Variants in WDFY4 observed in about 807,000 individuals in gnomAD.
WDFY4 encodes WDFY family member 4, also known as WD repeat- and FYVE domain-containing protein 4.
In WDFY4, 169 loss-of-function variants were observed where a neutral mutation model predicts 351.9. That is an observed-to-expected ratio of 0.48 (90% CI 0.42 to 0.55). The LOEUF is 0.55. Among genes scored for constraint, WDFY4 ranks in the 20% least tolerant of loss-of-function variants. The pLI is 0.00. For missense variants in WDFY4, 3,803 were observed against 3,935.6 expected, an observed-to-expected ratio of 0.97 and a Z score of 0.90; for synonymous variants, 1,622 against 1,574.6, an observed-to-expected ratio of 1.03 and a Z score of -0.71.
At chr10:48,826,303 C>A (rs781704647) in intron 35 of WDFY4, among the ~76,000 whole-genome samples, 3 of 152,092 alleles carry the variant, frequency 2.0e-5, no homozygotes, top group Non-Finnish European at 4.4e-5. Flanking sequence ...CTATTCTGTT[C>A]TATTGGTCTA....
chr10:48,756,671 C>T (rs1407077510), intron 12 of WDFY4, among the ~76,000 whole-genome samples: 1 of 152,010 alleles, frequency 6.6e-6, no homozygotes, highest in Non-Finnish European at 1.5e-5. Flanking sequence ...TTATCATGAG[C>T]AGATTTTTAA....
rs1306917722 is a variant in WDFY4, at chr10:48,820,270, C to T, written c.5542C>T (p.Pro1848Ser). Residue 1848 changes from proline to serine, a missense_variant, in exon 33 of 62, where the codon CCT becomes TCT. By Grantham distance (74) the Pro-to-Ser change is moderately conservative (BLOSUM62 -1). Transcript: ENST00000325239. ...GAESTRNTSSPEAAAEGDSTV... is the reference protein window; with the variant it reads ...GAESTRNTSSSEAAAEGDSTV... The stretch of plus-strand genomic sequence containing the variant: ...TGAGTCCACCCGGAACACCAGCAGT[C>T]CTGAGGCCGCAGCTGAAGGCGACAG... 5.2e-6 allele frequency: 8 copies of T among 1,551,680 alleles called. No individual in the cohort carries two copies. The highest frequency in any genetic ancestry group is 7.0e-6 in the Non-Finnish European group (8 of 1,146,984).
chr10:48,828,923 T>TGTGGGGGGGGGGGGGGGGG (rs763409844), intron 37 of WDFY4, 27 bp downstream of exon 37: 1 of 4,976 alleles, frequency 2.0e-4, no homozygotes, highest in Non-Finnish European at 4.7e-4. Flanking sequence ...ATTGTGTGTG[T>TGTGGGGGGGGGGGGGGGGG]GGGCGGGGGG....
At chr10:48,784,378 G>A (rs779052916) in intron 19 of WDFY4, among the ~76,000 whole-genome samples, 7 of 152,096 alleles carry the variant, frequency 4.6e-5, no homozygotes, top group Non-Finnish European at 8.8e-5. Context: ...TTTGATAGTT[G>A]TGTAGTAATA....
In WDFY4 at chr10:48,787,806, C is replaced by CTT. The variant is rs879777560; in HGVS notation, c.3809-724_3809-723insTT. Among the ~76,000 whole-genome samples the CTT allele has an allele frequency of 8.9e-3, 920 of 103,428 alleles. 26 individuals carry two copies. Among genetic ancestry groups the CTT allele is most frequent in the Middle Eastern group, 0.037 (8 of 218 alleles). The allele number at this position is 103,428 out of a possible 152,430, so 67.9% of individuals were successfully genotyped here. ...TCCTCTTCCTCCTCCTCCTCCTCCT[C>CTT]CTCTTCTTCTTCTTCTTCTTCTTCT... On this transcript the variant is annotated intron_variant, in intron 20 of 61. Coordinates refer to ENST00000325239, the MANE Select transcript of WDFY4 (RefSeq NM_001394531.1).
At chr10:48,976,419 T>G in intron 58 of WDFY4, 1 of 162,558 alleles carries the variant, frequency 6.2e-6, no homozygotes, top group South Asian at 2.0e-4. Flanking sequence ...CAAAACTTCT[T>G]TATGGGGCAG....
At position 48,820,406 on chromosome 10, in the gene WDFY4, A is replaced by G. The variant is rs1318353863; in HGVS notation, c.5678A>G (p.Lys1893Arg). ...CTCCTGCTTGGAGCCTCCAGCCCCA[A>G]GCAGTGGCTGCCCCTGGAGGTGCTC... ...RELLLGASSP[K>R]QWLPLEVLLE... Residue 1893 changes from lysine to arginine, a missense_variant, in exon 33 of 62, where the codon AAG becomes AGG. By Grantham distance (26) the Lys-to-Arg change is conservative (BLOSUM62 2). Around this residue, in one of 3 missense-constraint regions of WDFY4, gnomAD observed 3,054 missense variants for 3,148.6 expected, o/e 0.97. Coordinates refer to ENST00000325239, the MANE Select transcript of WDFY4 (RefSeq NM_001394531.1). The G allele has an allele frequency of 3.2e-6, 5 of 1,551,440 alleles. No individual in the cohort carries two copies. In the Admixed American group the frequency reaches 9.8e-5, roughly 30 times the overall value.
Position 48,821,062 on chromosome 10 carries a change from G to T in WDFY4, c.5710G>T (p.Ala1904Ser), listed in dbSNP as rs370066614. The change falls in exon 34 of 62, where the codon GCT becomes TCT. Residue 1904 changes from alanine (A) to serine (S), a missense_variant and splice_region_variant. Physicochemically the swap from Ala to Ser is moderately conservative, Grantham distance 99. Coordinates refer to ENST00000325239, the MANE Select transcript of WDFY4 (RefSeq NM_001394531.1). Reference sequence around the variant, plus strand: ...TCTCAGTCCCGGGCTGTGCTTCCAGGCTTCTCCAGACCACGCCACCAGCCA... The same window carrying T: ...TCTCAGTCCCGGGCTGTGCTTCCAGTCTTCTCCAGACCACGCCACCAGCCA... ...QWLPLEVLLEASPDHATSQQK... is the reference protein window; with the variant it reads ...QWLPLEVLLESSPDHATSQQK... The T allele has an allele frequency of 1.2e-5, 19 of 1,551,168 alleles. No individual in the cohort carries two copies. The African/African-American group carries it at 1.5e-4, about 12-fold the overall frequency.
At chr10:48,909,405 CT>C (rs1837806847) in intron 47 of WDFY4, 1 of 151,990 alleles carries the variant, frequency 6.6e-6, no homozygotes, top group Non-Finnish European at 1.5e-5. Flanking sequence ...TTCTATATAA[CT>C]TTTTGTATAA....
intron 23 of WDFY4, among the ~76,000 whole-genome samples, chr10:48,795,522 TAC>T (rs1192361175): frequency 0.25 from 26,021 of 104,106 alleles, 3,634 homozygotes; most frequent in East Asian, 0.62. Flanking sequence ...TATATATATA[TAC>T]ATATATATAT....
chr10:48,755,221 C>T (rs1356908456), intron 12 of WDFY4, among the ~76,000 whole-genome samples: 2 of 152,150 alleles, frequency 1.3e-5, no homozygotes, highest in Non-Finnish European at 2.9e-5. Flanking sequence ...TAAGGCCTTT[C>T]AGATTCACTC....
Position 48,806,046 on chromosome 10 carries a change from G to A in WDFY4, c.4689G>A (p.Val1563=), listed in dbSNP as rs1209147948. ...TGTACACCCTCAAGCCTTCGTCGGT[G>A]AATGAGAGGCAGATCTGCATGGACG... The part of the protein sequence containing the change: ...FVVYTLKPSS[V]NERQICMDGA... The change falls in exon 27 of 62, where the codon GTG becomes GTA. Residue 1563 remains valine, a synonymous_variant. Coordinates refer to ENST00000325239, the MANE Select transcript of WDFY4 (RefSeq NM_001394531.1). The A allele has an allele frequency of 1.9e-6, 3 of 1,551,614 alleles. No homozygotes were observed. Among genetic ancestry groups the A allele is most frequent in the African/African-American group, 2.7e-5 (2 of 73,062 alleles).
rs766753447 is a variant in WDFY4, at chr10:48,900,232, G to A, written c.7449G>A (p.Leu2483=). 26 of 1,551,476 alleles carry A rather than the reference G, an allele frequency of 1.7e-5. No homozygotes were observed. In the African/African-American group the frequency reaches 1.8e-4, roughly 11 times the overall value. ...QARFLLQDIA[L]EIFFHNGYSK... is the part of the protein sequence containing the mutation. ...GCTTCTCTTCACAGGACATCGCCCTGGAGATCTTCTTCCACAATGGATATT... is the reference window on the plus strand; with the variant it reads ...GCTTCTCTTCACAGGACATCGCCCTAGAGATCTTCTTCCACAATGGATATT... Residue 2483 remains leucine, a synonymous_variant, in exon 46 of 62, where the codon CTG becomes CTA. Transcript: ENST00000325239.
At chr10:48,892,983 A>G (rs917207350) in intron 44 of WDFY4, among the ~76,000 whole-genome samples, 6 of 152,176 alleles carry the variant, frequency 3.9e-5, no homozygotes, top group Admixed American at 3.9e-4. Flanking sequence ...AAACAAACAA[A>G]TGCACACACA....
rs1388284534 is a variant in WDFY4 at position 48,727,659 on chromosome 10, G to T, written c.971G>T (p.Arg324Leu). The T allele has an allele frequency of 1.3e-6, 2 of 1,551,732 alleles. No individual in the cohort carries two copies. The highest frequency in any genetic ancestry group is 2.4e-5 in the East Asian group (1 of 40,932). Residue 324 changes from arginine (R) to leucine (L), a missense_variant and splice_region_variant, in exon 7 of 62, where the codon CGG (arginine) becomes CTG (leucine). Arg to Leu is a moderately radical substitution (Grantham distance 102). Coordinates refer to ENST00000325239, the MANE Select transcript of WDFY4 (RefSeq NM_001394531.1). ...GYPLLLKVLL[R>L]YDGLTQSEVD... ...CCTCTGCTGCTCAAAGTGTTACTTC[G>T]GTAAGTGGCTGTGTTTGGTACGGGG...
At chr10:48,689,164 A>G (rs2136293468) in intron 1 of WDFY4, among the ~76,000 whole-genome samples, 1 of 152,290 alleles carries the variant, frequency 6.6e-6, no homozygotes. Flanking sequence ...GCCACACCTT[A>G]GAGCTGCTAC....
chr10:48,789,240 A>G (rs2066597647), intron 21 of WDFY4, among the ~76,000 whole-genome samples: 1 of 152,208 alleles, frequency 6.6e-6, no homozygotes, highest in South Asian at 2.1e-4. Flanking sequence ...ACAAGGAGAT[A>G]TGTTTGTAGA....
In WDFY4 at chr10:48,970,179, G is replaced by C. The variant is rs745546797; in HGVS notation, c.8818G>C (p.Ala2940Pro). ...NLAAWGRCLC[A>P]VCPSPTTIVT... ...GGCTGCCTGGGGCCGCTGTCTGTGC[G>C]CCGTGTGCCCATCCCCAACAACGAT... The change falls in exon 57 of 62, where the codon GCC becomes CCC. Residue 2940 changes from alanine to proline, a missense_variant. Physicochemically the swap from Ala to Pro is conservative, Grantham distance 27. This residue lies in a region of WDFY4 where 3,054 missense variants were observed against 3,148.6 expected (regional missense o/e 0.97). Coordinates refer to ENST00000325239, the MANE Select transcript of WDFY4 (RefSeq NM_001394531.1). 1 of 1,551,570 alleles carries C rather than the reference G, an allele frequency of 6.4e-7. No homozygotes were observed.
At chr10:48,868,612 G>T (rs774085970) in intron 40 of WDFY4, among the ~76,000 whole-genome samples, 1 of 152,176 alleles carries the variant, frequency 6.6e-6, no homozygotes, top group Non-Finnish European at 1.5e-5. Context: ...ATAGCAATAT[G>T]GCTGATAAAT....
Sources: allele counts gnomAD v4.1 joint callset (sites outside exome capture counted in the v4.1 genomes callset), GRCh38; gene constraint gnomAD v4.1.1; regional missense constraint gnomAD v4.1.1; transcripts MANE v1.5; gene names NCBI Gene and HGNC (gene_info 2026-07-23, HGNC 2026-07-21).